Variants in MIA2 observed in about 807,000 individuals in gnomAD.
MIA2 encodes melanoma inhibitory activity protein 2.
MIA2 carries 127 observed loss-of-function variants against 167.8 expected under a neutral mutation model. The ratio of observed to expected loss-of-function variants is 0.76; its 90% CI spans 0.66 to 0.88. The LOEUF (loss-of-function observed/expected upper bound fraction) is 0.88. Among genes scored for constraint, MIA2 ranks in the 40% least tolerant of loss-of-function variants. The probability of loss-of-function intolerance (pLI) is 0.00; values close to 1 mark genes in which losing one functional copy is unlikely to be tolerated. For missense variants in MIA2, 1,690 were observed against 1,624.7 expected, an observed-to-expected ratio of 1.04 and a Z score of -0.69; for synonymous variants, 552 against 541.9, an observed-to-expected ratio of 1.02 and a Z score of -0.26.
At chr14:39,259,534 T>C (rs895876410) in intron 6 of MIA2, among the ~76,000 whole-genome samples, 1 of 152,038 alleles carries the variant, frequency 6.6e-6, no homozygotes, top group Non-Finnish European at 1.5e-5. Flanking sequence ...TCTTTCTCTT[T>C]TTTTTCTATT....
intron 4 of MIA2, among the ~76,000 whole-genome samples, chr14:39,250,443 C>T (rs1162551127): frequency 6.6e-6 from 1 of 151,862 alleles, no homozygotes; most frequent in Non-Finnish European, 1.5e-5. Context: ...TGCCTGTAAT[C>T]CTAGCACGTT....
chr14:39,237,265 C>T, intron 2 of MIA2: 1 of 585,218 alleles, frequency 1.7e-6, no homozygotes, highest in South Asian at 1.8e-5. Flanking sequence ...GTAGCTGGGA[C>T]TACAGGTGTG....
intron 23 of MIA2, chr14:39,370,760 A>C (rs1462925415): frequency 6.4e-6 from 1 of 156,202 alleles, no homozygotes; most frequent in Non-Finnish European, 1.4e-5. Context: ...TTTTGAACTG[A>C]AATACAGTAG....
chr14:39,275,519 G>A (rs1325345782), intron 6 of MIA2, among the ~76,000 whole-genome samples: 1 of 152,162 alleles, frequency 6.6e-6, no homozygotes, highest in African/African-American at 2.4e-5. Context: ...AAATATTATT[G>A]TACTAAAGGT....
At chr14:39,297,185 C>T (rs1181057937) in intron 13 of MIA2, among the ~76,000 whole-genome samples, 2 of 151,606 alleles carry the variant, frequency 1.3e-5, no homozygotes, top group Non-Finnish European at 2.9e-5. Context: ...CCTCTGCTGC[C>T]CGGGTTCAAG....
intron 25 of MIA2, among the ~76,000 whole-genome samples, chr14:39,333,822 G>A (rs1220776638): frequency 2.6e-5 from 4 of 152,066 alleles, no homozygotes; most frequent in Non-Finnish European, 4.4e-5. Flanking sequence ...ATGGAACCTG[G>A]TCTCCGTACT....
At chr14:39,276,771 G>A (rs774142259) in intron 6 of MIA2, 163 bp from the exon 7 acceptor site, 186 of 637,292 alleles carry the variant, frequency 2.9e-4, no homozygotes, top group Non-Finnish European at 4.2e-4. Context: ...TTTACTTGGC[G>A]ATAGTGATTG....
intron 23 of MIA2, among the ~76,000 whole-genome samples, chr14:39,382,310 C>G (rs1375902054): frequency 6.6e-6 from 1 of 152,186 alleles, no homozygotes; most frequent in African/African-American, 2.4e-5. Context: ...CAAGCTGGTA[C>G]CAAGCATCGA....
At chr14:39,326,843 T>C in intron 24 of MIA2, 21 bp from the exon 25 acceptor site, 4 of 1,422,578 alleles carry the variant, frequency 2.8e-6, no homozygotes, top group Non-Finnish European at 2.7e-6. Flanking sequence ...CAGATTTGTA[T>C]GTTTTTTTTT....
intron 6 of MIA2, among the ~76,000 whole-genome samples, chr14:39,272,618 A>G (rs2057349660): frequency 1.3e-5 from 2 of 152,272 alleles, no homozygotes; most frequent in African/African-American, 4.8e-5. Flanking sequence ...TACAAAAATT[A>G]GTTGGGCAAG....
At chr14:39,352,324 C>T (rs919480213), downstream of MIA2, among the ~76,000 whole-genome samples, 2 of 151,532 alleles carry the variant, frequency 1.3e-5, no homozygotes, top group Non-Finnish European at 2.9e-5. Flanking sequence ...TTCTCTGTTC[C>T]ATGTGAATCA....
intron 6 of MIA2, chr14:39,266,090 A>T: frequency 3.0e-6 from 3 of 985,422 alleles, no homozygotes; most frequent in Non-Finnish European, 3.6e-6. Context: ...CGTTGCTACA[A>T]GAGGTTACAT....
intron 6 of MIA2, among the ~76,000 whole-genome samples, chr14:39,264,515 C>G (rs2055333633): frequency 6.6e-6 from 1 of 151,910 alleles, no homozygotes; most frequent in African/African-American, 2.4e-5. Context: ...ACTTTTTTTT[C>G]TATTTTACAA....
At chr14:39,311,564 G>A (rs917030088) in intron 18 of MIA2, among the ~76,000 whole-genome samples, 1 of 134,638 alleles carries the variant, frequency 7.4e-6, no homozygotes, top group African/African-American at 2.8e-5. Flanking sequence ...CACAAGCTCC[G>A]CCTCCCGGGT....
chr14:39,334,991 T>C (rs878949171), intron 25 of MIA2, among the ~76,000 whole-genome samples: 4 of 152,178 alleles, frequency 2.6e-5, no homozygotes, highest in Admixed American at 2.0e-4. Context: ...GGCTCATGCC[T>C]GTAATCCTAG....
At chr14:39,271,202 T>C (rs10162550) in intron 6 of MIA2, among the ~76,000 whole-genome samples, 48,958 of 152,084 alleles carry the variant, frequency 0.32, 8,394 homozygotes, top group East Asian at 0.5. Flanking sequence ...TATTCTAGTA[T>C]GATTTGTTTG....
intron 25 of MIA2, among the ~76,000 whole-genome samples, chr14:39,333,473 CT>C (rs201217016): frequency 0.016 from 2,475 of 152,286 alleles, 45 homozygotes; most frequent in African/African-American, 0.048. Flanking sequence ...GAATATTGGG[CT>C]CTACCTTTGC....
chr14:39,304,328 A>T lies in MIA2; in HGVS notation c.2825A>T (p.Asn942Ile). ...TTAAAAACCTTAGAAGGAGAAAGAAACCAAATTTATATTCAGTTGTCTGAA... is the reference window on the plus strand; with the variant it reads ...TTAAAAACCTTAGAAGGAGAAAGAATCCAAATTTATATTCAGTTGTCTGAA... ...ASLKTLEGER[N>I]QIYIQLSEVD... The change falls in exon 17 of 29, where the codon AAC (asparagine) becomes ATC (isoleucine). Residue 942 changes from asparagine (N) to isoleucine (I), a missense_variant. Coordinates refer to ENST00000640607, the MANE Select transcript of MIA2 (RefSeq NM_001329214.4). 1 of 1,578,992 alleles carries T rather than the reference A, an allele frequency of 6.3e-7. No individual in the cohort carries two copies.
chr14:39,384,617 A>G (rs930703528), intron 23 of MIA2, among the ~76,000 whole-genome samples: 2 of 152,142 alleles, frequency 1.3e-5, no homozygotes, highest in South Asian at 2.1e-4. Context: ...TGGCCATTTT[A>G]GCTTTGTAGT....
Sources: gnomAD v4.1 joint callset for allele counts (sites outside exome capture counted in the v4.1 genomes callset) on GRCh38, gnomAD v4.1.1 for gene constraint, MANE v1.5 for transcripts, NCBI Gene and HGNC (gene_info 2026-07-23, HGNC 2026-07-21) for gene names.